Variants in SLC5A8 observed in about 807,000 individuals in gnomAD.
SLC5A8 encodes solute carrier family 5 member 8.
SLC5A8 carries 55 observed loss-of-function variants against 71.9 expected under a neutral mutation model. That is an observed-to-expected ratio of 0.77 (90% CI 0.62 to 0.96). The LOEUF (loss-of-function observed/expected upper bound fraction) is 0.96, where lower values mean the gene tolerates loss of function less well. Among genes scored for constraint, SLC5A8 ranks in the 40% least tolerant of loss-of-function variants. The probability of loss-of-function intolerance (pLI) is 0.00; values close to 1 mark genes in which losing one functional copy is unlikely to be tolerated. For synonymous variants in SLC5A8, 307 were observed against 276.1 expected, an observed-to-expected ratio of 1.11 and a Z score of -1.11; for missense variants, 701 against 745.3, an observed-to-expected ratio of 0.94 and a Z score of 0.69.
At position 101,171,768 on chromosome 12, in the gene SLC5A8, G is replaced by A. The variant is rs889203429; in HGVS notation, c.1234-3586C>T. Reference sequence around the variant, plus strand: ...AGGCTGGAAGGTTAGCTGCTCAGTGGGTGGCCAAAATGTGGTGGAGGCTGT... The same window carrying A: ...AGGCTGGAAGGTTAGCTGCTCAGTGAGTGGCCAAAATGTGGTGGAGGCTGT... On this transcript the variant is annotated intron_variant, in intron 10 of 14. Coordinates refer to ENST00000536262, the MANE Select transcript of SLC5A8 (RefSeq NM_145913.5). Among the ~76,000 whole-genome samples the A allele has an allele frequency of 5.9e-5, 9 of 152,306 alleles. No individual in the cohort carries two copies. In the East Asian group the frequency reaches 1.7e-3, roughly 29 times the overall value.
chr12:101,194,287 C>A (rs1869062951), intron 4 of SLC5A8, among the ~76,000 whole-genome samples: 1 of 152,168 alleles, frequency 6.6e-6, no homozygotes, highest in African/African-American at 2.4e-5. Flanking sequence ...AGAACCAGCA[C>A]CTGGCTGAGG....
chr12:101,189,911 G>A (rs985004847), intron 6 of SLC5A8, among the ~76,000 whole-genome samples: 23 of 152,264 alleles, frequency 1.5e-4, no homozygotes, highest in African/African-American at 5.3e-4. Flanking sequence ...CCTCCCATGA[G>A]GTGTATAGTA....
intron 1 of SLC5A8, among the ~76,000 whole-genome samples, 162 bp downstream of exon 1, chr12:101,209,336 G>A (rs901494711): frequency 1.3e-5 from 2 of 152,100 alleles, no homozygotes; most frequent in Admixed American, 1.3e-4. Flanking sequence ...GCCAGGTGAA[G>A]ATCGGGGGAC....
Position 101,166,501 on chromosome 12 carries a change from C to T in SLC5A8, c.1519G>A (p.Val507Ile). The change falls in exon 12 of 15, where the codon GTT becomes ATT. Residue 507 changes from valine (V) to isoleucine (I), a missense_variant. Val to Ile is a conservative substitution (Grantham distance 29). Transcript: ENST00000536262. ...TAAAACTTAATTCAATACCTTTGAA[C>T]ATTGTATATTTGAAAAACACTAGTA... ...FTTSVFQIYN[V>I]QRTPLMDNWY... 6.2e-7 allele frequency: 1 copy of T among 1,612,514 alleles called. No individual in the cohort carries two copies. The highest frequency in any genetic ancestry group is 8.5e-7 in the Non-Finnish European group (1 of 1,179,342).
At chr12:101,158,602 A>C (rs921438786) in intron 13 of SLC5A8, among the ~76,000 whole-genome samples, 728 of 30,968 alleles carry the variant, frequency 0.024, 1 homozygote, top group African/African-American at 0.032. Context: ...CTCTCTCTAT[A>C]TATATATATA....
intron 10 of SLC5A8, 90 bp from the exon 11 acceptor site, chr12:101,168,272 T>C: frequency 8.2e-7 from 1 of 1,213,654 alleles, no homozygotes; most frequent in Non-Finnish European, 1.1e-6. Context: ...TGACTTAAAG[T>C]ATTCGGCCTC....
chr12:101,158,816 C>T (rs1450533309), intron 13 of SLC5A8, among the ~76,000 whole-genome samples: 3 of 150,662 alleles, frequency 2.0e-5, no homozygotes, highest in Non-Finnish European at 4.4e-5. Context: ...CTGCTTTTCC[C>T]CACTTTGTTG....
chr12:101,169,676 G>A (rs981882899), intron 10 of SLC5A8, among the ~76,000 whole-genome samples: 2 of 152,184 alleles, frequency 1.3e-5, no homozygotes, highest in Non-Finnish European at 2.9e-5. Flanking sequence ...AGTGGCCAAG[G>A]AAATTTCAGG....
At chr12:101,164,654 T>C (rs182304353) in intron 12 of SLC5A8, among the ~76,000 whole-genome samples, 4 of 152,140 alleles carry the variant, frequency 2.6e-5, no homozygotes, top group African/African-American at 9.6e-5. Context: ...GCGATACAGA[T>C]TGTGTCCCTG....
In SLC5A8 at chr12:101,155,790, T is replaced by C. The variant is rs2051654179; in HGVS notation, c.*1489A>G. On this transcript the variant is annotated 3_prime_UTR_variant, in exon 15 of 15. Coordinates refer to ENST00000536262, the MANE Select transcript of SLC5A8 (RefSeq NM_145913.5). ...TTCAGATTACAAGCATGAGCCATCA[T>C]GCCCAGGCTTTTTTTTTTTTTTAAA... 1 of 145,874 alleles carries C rather than the reference T, an allele frequency of 6.9e-6. No homozygotes were observed. Among genetic ancestry groups the C allele is most frequent in the East Asian group, 2.1e-4 (1 of 4,824 alleles). The allele number at this position is 145,874 out of a possible 1,614,324, so 9.0% of individuals were successfully genotyped here.
At chr12:101,160,030 A>C (rs1395258354) in intron 13 of SLC5A8, among the ~76,000 whole-genome samples, 2 of 152,156 alleles carry the variant, frequency 1.3e-5, no homozygotes, top group South Asian at 2.1e-4. Flanking sequence ...AAAATTACAA[A>C]AATTAGCCGG....
At chr12:101,182,143 G>C (rs548040871) in intron 9 of SLC5A8, among the ~76,000 whole-genome samples, 26 of 152,262 alleles carry the variant, frequency 1.7e-4, no homozygotes, top group African/African-American at 5.3e-4. Context: ...CCCTAATGAG[G>C]CTCTACGATT....
chr12:101,191,874 CT>C (rs1368979613), intron 5 of SLC5A8, among the ~76,000 whole-genome samples: 1 of 152,134 alleles, frequency 6.6e-6, no homozygotes, highest in South Asian at 2.1e-4. Context: ...AATGTTTAAT[CT>C]TTTTTTAAAA....
At position 101,202,216 on chromosome 12, in the gene SLC5A8, C is replaced by T. The variant is rs771920970; in HGVS notation, c.418-1G>A. On this transcript the variant is annotated splice_acceptor_variant, in intron 2 of 14. Coordinates refer to ENST00000536262, the MANE Select transcript of SLC5A8 (RefSeq NM_145913.5). LOFTEE classifies it high-confidence loss of function. ...AAATAACAATTCCAGTATACAGAAT[C>T]TAGGGGGGAGAAAGAAAGCCAAATG... 3.2e-6 allele frequency: 5 copies of T among 1,573,750 alleles called. No individual in the cohort carries two copies. The Admixed American group carries it at 9.6e-5, about 30-fold the overall frequency.
chr12:101,191,496 T>G (rs1052588167), intron 5 of SLC5A8, among the ~76,000 whole-genome samples: 1 of 152,214 alleles, frequency 6.6e-6, no homozygotes, highest in Non-Finnish European at 1.5e-5. Context: ...CTATTTCATG[T>G]CTAACATTTC....
At position 101,178,313 on chromosome 12, in the gene SLC5A8, T is replaced by C. The variant is rs534930321; in HGVS notation, c.1233+1716A>G. On this transcript the variant is annotated intron_variant, in intron 10 of 14. Coordinates refer to ENST00000536262, the MANE Select transcript of SLC5A8 (RefSeq NM_145913.5). ...ACAGACAAGATTATCCTAGACTTCA[T>C]ATGGAAAGGCAAAAGAACTAGAATA... is the stretch of plus-strand genomic sequence containing the variant. Among the ~76,000 whole-genome samples, 3 of 152,220 alleles carry C rather than the reference T, an allele frequency of 2.0e-5. No homozygotes were observed. The East Asian group carries it at 5.8e-4, about 29-fold the overall frequency.
chr12:101,179,332 A>G (rs1032957645), intron 10 of SLC5A8, among the ~76,000 whole-genome samples: 3 of 152,184 alleles, frequency 2.0e-5, no homozygotes, highest in African/African-American at 7.2e-5. Flanking sequence ...ATGCTCACAC[A>G]AAAACCTTTA....
At chr12:101,166,771 C>G in intron 11 of SLC5A8, 72 bp from the exon 12 acceptor site, 1 of 1,372,130 alleles carries the variant, frequency 7.3e-7, no homozygotes, top group East Asian at 2.5e-5. Context: ...TATTAGAAAG[C>G]CAAGTTCAAC....
chr12:101,208,229 C>A (rs552320051), intron 1 of SLC5A8, among the ~76,000 whole-genome samples: 32 of 152,248 alleles, frequency 2.1e-4, no homozygotes, highest in Admixed American at 6.5e-4. Flanking sequence ...AAACACAGCC[C>A]CAGAGTGAAT....
Sources: gnomAD v4.1 joint callset for allele counts (sites outside exome capture counted in the v4.1 genomes callset) on GRCh38, gnomAD v4.1.1 for gene constraint, MANE v1.5 for transcripts, NCBI Gene and HGNC (gene_info 2026-07-23, HGNC 2026-07-21) for gene names.